The following GRM5 variants were observed in gnomAD, a reference collection of about 807,000 sequenced individuals.
GRM5 encodes the protein glutamate metabotropic receptor 5, also known as metabotropic glutamate receptor 5.
GRM5 carries 19 observed loss-of-function variants against 83.1 expected under a neutral mutation model. The ratio of observed to expected loss-of-function variants is 0.23; its 90% CI spans 0.16 to 0.34. The LOEUF (loss-of-function observed/expected upper bound fraction) is 0.34. Ranked by LOEUF, GRM5 falls within the 10% of genes least tolerant of loss-of-function variation. GRM5 has a pLI of 1.00. For missense variants in GRM5, 1,160 were observed against 1,588.3 expected (o/e 0.73, Z 4.58); for synonymous variants, 675 against 633.6 (o/e 1.07, Z -0.98).
At chr11:88,680,762 A>G (rs973104331) in intron 3 of GRM5, among the ~76,000 whole-genome samples, 2 of 152,190 alleles carry the variant, frequency 1.3e-5, no homozygotes, top group Non-Finnish European at 2.9e-5. Context: ...ATTTTTCATC[A>G]TGTCTACATC....
At chr11:88,613,557 G>A (rs1400329410) in intron 4 of GRM5, among the ~76,000 whole-genome samples, 2 of 152,056 alleles carry the variant, frequency 1.3e-5, no homozygotes, top group Non-Finnish European at 2.9e-5. Flanking sequence ...CATGTCTTTA[G>A]TTTTAGACTG....
intron 3 of GRM5, among the ~76,000 whole-genome samples, chr11:88,808,616 G>A (rs1943538124): frequency 6.6e-6 from 1 of 151,942 alleles, no homozygotes; most frequent in African/African-American, 2.4e-5. Flanking sequence ...TTGTAACATA[G>A]TGACCATAAC....
At chr11:88,858,272 A>T (rs1212254114) in intron 2 of GRM5, among the ~76,000 whole-genome samples, 1 of 152,104 alleles carries the variant, frequency 6.6e-6, no homozygotes, top group Admixed American at 6.6e-5. Flanking sequence ...CAGAAAACAA[A>T]TTGCTAGTAT....
intron 1 of GRM5, among the ~76,000 whole-genome samples, chr11:89,054,471 A>G (rs1941829438): frequency 6.6e-6 from 1 of 152,206 alleles, no homozygotes; most frequent in African/African-American, 2.4e-5. Flanking sequence ...TCATTGAATG[A>G]GCAGGCAGAT....
intron 2 of GRM5, among the ~76,000 whole-genome samples, chr11:89,040,466 T>C (rs1941503260): frequency 6.6e-6 from 1 of 152,108 alleles, no homozygotes; most frequent in South Asian, 2.1e-4. Context: ...TTCCAGCACT[T>C]CAGGAGGCCA....
chr11:88,829,187 T>C (rs1040072176), intron 3 of GRM5, among the ~76,000 whole-genome samples: 4 of 151,846 alleles, frequency 2.6e-5, no homozygotes, highest in African/African-American at 9.7e-5. Context: ...GTTGGCATGC[T>C]TGGTGGCTCA....
chr11:88,838,084 C>CAAAAAAAAAAAAAAAAAAAAAAAAAA (rs1157680177), intron 3 of GRM5, among the ~76,000 whole-genome samples: 4 of 55,448 alleles, frequency 7.2e-5, no homozygotes, highest in Admixed American at 2.9e-4. Flanking sequence ...GACTCCATCT[C>CAAAAAAAAAAAAAAAAAAAAAAAAAA]AAAAAAAAAA....
At chr11:88,664,728 T>G (rs1939996273) in intron 3 of GRM5, among the ~76,000 whole-genome samples, 1 of 152,124 alleles carries the variant, frequency 6.6e-6, no homozygotes, top group Admixed American at 6.6e-5. Context: ...ATTACAGGTG[T>G]GAGCCACAGT....
intron 2 of GRM5, among the ~76,000 whole-genome samples, chr11:88,921,569 G>A (rs1347981035): frequency 2.6e-5 from 4 of 152,102 alleles, no homozygotes; most frequent in African/African-American, 9.6e-5. Context: ...GGCTGAGCTT[G>A]CAGTGAGCTG....
intron 3 of GRM5, among the ~76,000 whole-genome samples, chr11:88,690,144 A>G (rs1452240245): frequency 1.3e-5 from 2 of 152,204 alleles, no homozygotes; most frequent in African/African-American, 4.8e-5. Context: ...TTTTAAACTC[A>G]GATACATAAG....
intron 2 of GRM5, among the ~76,000 whole-genome samples, chr11:88,989,346 C>G (rs954879494): frequency 7.4e-6 from 1 of 135,594 alleles, no homozygotes; most frequent in Non-Finnish European, 1.6e-5. Context: ...TACAGTAGCA[C>G]CCAGATTCAT....
chr11:88,921,313 T>C (rs1945689199), intron 2 of GRM5, among the ~76,000 whole-genome samples: 1 of 152,148 alleles, frequency 6.6e-6, no homozygotes, highest in Non-Finnish European at 1.5e-5. Context: ...CATTCTTTTA[T>C]GGTAAAAATC....
chr11:88,948,921 T>G (rs1263815642), intron 2 of GRM5, among the ~76,000 whole-genome samples: 3 of 152,166 alleles, frequency 2.0e-5, no homozygotes, highest in African/African-American at 7.2e-5. Flanking sequence ...GCAATTGTGT[T>G]CAAAAGAGGC....
At chr11:88,661,595 A>G (rs1265089858) in intron 3 of GRM5, among the ~76,000 whole-genome samples, 4 of 152,146 alleles carry the variant, frequency 2.6e-5, no homozygotes, top group Admixed American at 6.6e-5. Context: ...AAAAATTCTA[A>G]TAGTGGGAGT....
At chr11:88,788,069 T>C (rs1943106802) in intron 3 of GRM5, among the ~76,000 whole-genome samples, 2 of 152,182 alleles carry the variant, frequency 1.3e-5, no homozygotes, top group Non-Finnish European at 2.9e-5. Context: ...GACTACTCTC[T>C]TTATATCCTG....
chr11:88,859,977 T>G (rs200376698), intron 2 of GRM5, among the ~76,000 whole-genome samples: 2 of 152,258 alleles, frequency 1.3e-5, no homozygotes, highest in East Asian at 3.9e-4. Flanking sequence ...TCCTGTAAAA[T>G]AAGAGGGGGC....
chr11:88,938,024 T>C (rs1937957626), intron 2 of GRM5, among the ~76,000 whole-genome samples: 1 of 151,660 alleles, frequency 6.6e-6, no homozygotes, highest in Non-Finnish European at 1.5e-5. Context: ...TACTTGAAAA[T>C]TGCTATAAGA....
At chr11:88,601,616 C>T (rs559484504) in intron 5 of GRM5, among the ~76,000 whole-genome samples, 34 of 152,168 alleles carry the variant, frequency 2.2e-4, no homozygotes, top group African/African-American at 7.5e-4. Context: ...TCAAATACTT[C>T]GCACCCATGT....
At position 88,567,058 on chromosome 11, in the gene GRM5, G is replaced by A. The variant is rs1942891891; in HGVS notation, c.2625C>T (p.Thr875=). ...LWKRRGSSGE[T]LRYKDRRLAQ... ...TAAGCCCCCACAACTTTTACCTTAA[G>A]GTTTCCCCAGAGGAGCCCCTTCTCT... is the stretch of plus-strand genomic sequence containing the variant. Residue 875 remains threonine (T), a synonymous_variant, in exon 8 of 10, where the codon ACC becomes ACT. Transcript: ENST00000305447. The surrounding 1 kb of genome is among the most constrained non-coding windows in gnomAD (Gnocchi z 7.3). The A allele has an allele frequency of 1.2e-6, 2 of 1,601,638 alleles. No individual in the cohort carries two copies. The highest frequency in any genetic ancestry group is 1.7e-6 in the Non-Finnish European group (2 of 1,171,810).
Sources: allele counts gnomAD v4.1 joint callset (sites outside exome capture counted in the v4.1 genomes callset), GRCh38; gene constraint gnomAD v4.1.1; non-coding constraint Gnocchi (gnomAD v3.1); transcripts MANE v1.5; gene names NCBI Gene and HGNC (gene_info 2026-07-23, HGNC 2026-07-21).